Variants in RARS2 observed in about 807,000 individuals in gnomAD.
The protein encoded by RARS2 is arginyl-tRNA synthetase 2, mitochondrial.
A neutral mutation model predicts 88.5 loss-of-function variants in RARS2; 67 were observed. That is an observed-to-expected ratio of 0.76 (90% CI 0.62 to 0.93). The LOEUF is 0.93. Ranked by LOEUF, RARS2 falls within the 40% of genes least tolerant of loss-of-function variation. RARS2 has a pLI of 0.00. For missense variants in RARS2, 664 were observed against 684.2 expected, an observed-to-expected ratio of 0.97 and a Z score of 0.33; for synonymous variants, 239 against 230.3, an observed-to-expected ratio of 1.04 and a Z score of -0.34.
At chr6:87,544,751 T>G (rs1317755492) in intron 7 of RARS2, among the ~76,000 whole-genome samples, 1 of 152,284 alleles carries the variant, frequency 6.6e-6, no homozygotes, top group South Asian at 2.1e-4. Flanking sequence ...TGAGAGATAA[T>G]TTGTGGTAGT....
At chr6:87,547,997 C>G (rs977040163) in intron 6 of RARS2, among the ~76,000 whole-genome samples, 1 of 152,010 alleles carries the variant, frequency 6.6e-6, no homozygotes, top group Admixed American at 6.5e-5. Context: ...CTCACATGAC[C>G]GAGGTGAATT....
At chr6:87,548,027 C>T (rs1391305189) in intron 6 of RARS2, among the ~76,000 whole-genome samples, 4 of 152,186 alleles carry the variant, frequency 2.6e-5, no homozygotes, top group East Asian at 1.9e-4. Context: ...AATTGTTATT[C>T]GTGTTTTTTA....
chr6:87,518,810 G>A lies in RARS2; in HGVS notation c.1305+14C>T, dbSNP rs745765361. 6 of 1,613,452 alleles carry A rather than the reference G, an allele frequency of 3.7e-6. No individual in the cohort carries two copies. Among genetic ancestry groups the A allele is most frequent in the Non-Finnish European group, 5.1e-6 (6 of 1,179,518 alleles). Reference sequence around the variant, plus strand: ...CCAAACAAAAGGGCCTCACAGGTAGGAGTCTTAACAGACCTGAATAATGAG... The same window carrying A: ...CCAAACAAAAGGGCCTCACAGGTAGAAGTCTTAACAGACCTGAATAATGAG... On this transcript the variant is annotated intron_variant, in intron 15 of 19. Coordinates refer to ENST00000369536, the MANE Select transcript of RARS2 (RefSeq NM_020320.5).
intron 4 of RARS2, among the ~76,000 whole-genome samples, chr6:87,562,287 G>C (rs1007344209): frequency 3.9e-5 from 6 of 152,036 alleles, no homozygotes; most frequent in African/African-American, 1.4e-4. Context: ...ATTGCTCCTA[G>C]GCTACAAACC....
intron 7 of RARS2, among the ~76,000 whole-genome samples, chr6:87,545,400 G>A (rs1156318432): frequency 6.6e-6 from 1 of 151,502 alleles, no homozygotes; most frequent in Non-Finnish European, 1.5e-5. Context: ...TTCTTTGAAT[G>A]TGTGAAGTTA....
chr6:87,577,284 T>A (rs1166437944), intron 1 of RARS2, among the ~76,000 whole-genome samples: 3 of 152,198 alleles, frequency 2.0e-5, no homozygotes, highest in Non-Finnish European at 4.4e-5. Flanking sequence ...CTCCAACTCC[T>A]GGGCTCAATC....
rs2127998945 is a variant in RARS2, at chr6:87,518,162, A to G, written c.1511+7T>C. On this transcript the variant is annotated splice_region_variant and intron_variant, in intron 17 of 19. Transcript: ENST00000369536. ...GCACACTTGATGATCCCTGGAAAACATCATACCTGAGAAGATGCTGAAGAA... is the reference window on the plus strand; with the variant it reads ...GCACACTTGATGATCCCTGGAAAACGTCATACCTGAGAAGATGCTGAAGAA... 1 of 1,614,174 alleles carries G rather than the reference A, an allele frequency of 6.2e-7. No homozygotes were observed. Among genetic ancestry groups the G allele is most frequent in the Non-Finnish European group, 8.5e-7 (1 of 1,180,000 alleles).
intron 8 of RARS2, among the ~76,000 whole-genome samples, chr6:87,540,464 A>AC (rs945381844): frequency 6.6e-6 from 1 of 151,902 alleles, no homozygotes; most frequent in Non-Finnish European, 1.5e-5. Context: ...AAAAAAAAAA[A>AC]AAAAAACTGG....
chr6:87,546,327 C>T (rs1467582123), intron 6 of RARS2, among the ~76,000 whole-genome samples: 1 of 152,184 alleles, frequency 6.6e-6, no homozygotes, highest in Non-Finnish European at 1.5e-5. Flanking sequence ...TTCCAGTAGT[C>T]TTCTAGGTTT....
chr6:87,586,729 T>G (rs775120015), intron 1 of RARS2, among the ~76,000 whole-genome samples: 2 of 152,176 alleles, frequency 1.3e-5, no homozygotes, highest in Non-Finnish European at 2.9e-5. Context: ...TAAACTATTA[T>G]AGCAAAACGA....
In RARS2 at chr6:87,548,751, T is replaced by C. The variant is rs79944445; in HGVS notation, c.396-105A>G. The C allele has an allele frequency of 2.2e-3, 2,262 of 1,024,238 alleles. 33 individuals carry two copies. In the African/African-American group the frequency reaches 0.032, roughly 14 times the overall value. 63.4% of individuals were successfully genotyped at this position (1,024,238 alleles called of 1,614,324 possible). A position where few individuals can be genotyped will look rare whatever the true frequency, so the allele number is the denominator to read the frequency against. The stretch of plus-strand genomic sequence containing the variant: ...TGACAAAACTGTGGAGTATGGCCTT[T>C]GGTATTAGGGCAAAGATAAGTTAAA... On this transcript the variant is annotated intron_variant, in intron 5 of 19. Coordinates refer to ENST00000369536, the MANE Select transcript of RARS2 (RefSeq NM_020320.5).
intron 13 of RARS2, 104 bp from the exon 14 acceptor site, chr6:87,519,811 A>G: frequency 1.5e-6 from 2 of 1,359,620 alleles, no homozygotes. Flanking sequence ...ATCAGAGCAG[A>G]GTTTTTAAAA....
chr6:87,523,487 T>C (rs1236614795), intron 11 of RARS2, among the ~76,000 whole-genome samples: 2 of 152,038 alleles, frequency 1.3e-5, no homozygotes, highest in Admixed American at 6.6e-5. Flanking sequence ...AACATTTCAA[T>C]AAGTGGCAAA....
At chr6:87,564,696 A>C (rs1712752525) in intron 2 of RARS2, 2 of 248,094 alleles carry the variant, frequency 8.1e-6, no homozygotes, top group African/African-American at 4.7e-5. Context: ...TAAAATAAAT[A>C]AATAAAAAAC....
At chr6:87,575,267 ACACACACACAC>A (rs1348239359) in intron 1 of RARS2, among the ~76,000 whole-genome samples, 2 of 148,316 alleles carry the variant, frequency 1.3e-5, no homozygotes, top group Admixed American at 6.7e-5. Context: ...ACACACACAC[ACACACACACAC>A]CTTGGCTTCT....
At chr6:87,588,282 A>G (rs893987479) in intron 1 of RARS2, among the ~76,000 whole-genome samples, 1 of 152,188 alleles carries the variant, frequency 6.6e-6, no homozygotes, top group African/African-American at 2.4e-5. Context: ...CATTAGCATA[A>G]CTTTACTGTT....
At chr6:87,526,025 T>C (rs753979786) in intron 10 of RARS2, among the ~76,000 whole-genome samples, 5 of 152,076 alleles carry the variant, frequency 3.3e-5, no homozygotes, top group Non-Finnish European at 7.4e-5. Flanking sequence ...CACAGATAAA[T>C]GGAAAGATAT....
intron 8 of RARS2, 105 bp from the exon 9 acceptor site, chr6:87,531,047 T>C (rs903361350): frequency 6.5e-7 from 1 of 1,544,436 alleles, no homozygotes; most frequent in African/African-American, 1.4e-5. Context: ...TCATTTAAAA[T>C]TTTCCAAGTT....
chr6:87,564,126 G>C lies in RARS2; in HGVS notation c.213+4C>G. The C allele has an allele frequency of 6.3e-7, 1 of 1,591,430 alleles. No individual in the cohort carries two copies. Among genetic ancestry groups the C allele is most frequent in the Non-Finnish European group, 8.6e-7 (1 of 1,159,506 alleles). On this transcript the variant is annotated splice_donor_region_variant and intron_variant, in intron 3 of 19. Transcript: ENST00000369536. ...GTCAAAAAGAGATAATAGTGCTAAC[G>C]TACCTTCTCTGCTAGTCTCTTGGCT... is the stretch of plus-strand genomic sequence containing the variant.
Sources: allele counts gnomAD v4.1 joint callset (sites outside exome capture counted in the v4.1 genomes callset), GRCh38; gene constraint gnomAD v4.1.1; transcripts MANE v1.5; gene names NCBI Gene and HGNC (gene_info 2026-07-23, HGNC 2026-07-21).